GPRC6A: variants seen among roughly 807,000 people sequenced by gnomAD.
The protein encoded by GPRC6A is G protein-coupled receptor family C group 6 member A.
In GPRC6A, 54 loss-of-function variants were observed where a neutral mutation model predicts 47.0. That is an observed-to-expected ratio of 1.15 (90% CI 0.92 to 1.44). GPRC6A has a LOEUF of 1.44. Ranked by LOEUF, GPRC6A falls within the 40% of genes most tolerant of loss-of-function variation. GPRC6A has a pLI of 0.00. For synonymous variants in GPRC6A, 347 were observed against 377.1 expected (o/e 0.92, Z 0.93); for missense variants, 1,112 against 1,105.5 (o/e 1.01, Z -0.08).
chr6:116,795,673 G>T, intron 5 of GPRC6A, 39 bp downstream of exon 5: 1 of 1,466,702 alleles, frequency 6.8e-7, no homozygotes, highest in South Asian at 1.5e-5. Context: ...AAAAGCCTAA[G>T]AGGAATGATT....
chr6:116,822,891 TA>T (rs757893318), intron 1 of GPRC6A, among the ~76,000 whole-genome samples: 5,626 of 117,482 alleles, frequency 0.048, 129 homozygotes, highest in Non-Finnish European at 0.056. Context: ...TACTAGTCTC[TA>T]AAAAAAAAAA....
At chr6:116,819,524 C>A (rs1210933975) in intron 1 of GPRC6A, among the ~76,000 whole-genome samples, 1 of 152,086 alleles carries the variant, frequency 6.6e-6, no homozygotes, top group Non-Finnish European at 1.5e-5. Flanking sequence ...GACCACAGTG[C>A]AATCAAACTA....
chr6:116,826,424 T>C (rs866910971), intron 1 of GPRC6A, among the ~76,000 whole-genome samples: 3 of 151,742 alleles, frequency 2.0e-5, no homozygotes, highest in Admixed American at 6.6e-5. Context: ...CCAACTGGTA[T>C]ATAAAAAATG....
At chr6:116,809,881 T>A (rs1397458861) in intron 1 of GPRC6A, among the ~76,000 whole-genome samples, 1 of 152,192 alleles carries the variant, frequency 6.6e-6, no homozygotes, top group East Asian at 1.9e-4. Flanking sequence ...AACACTGCAA[T>A]ATGAAGATGT....
chr6:116,799,282 A>G (rs941171407), intron 4 of GPRC6A, among the ~76,000 whole-genome samples: 3 of 152,168 alleles, frequency 2.0e-5, no homozygotes, highest in Admixed American at 1.3e-4. Flanking sequence ...CCATATAATG[A>G]TATCATTTAA....
At chr6:116,822,135 G>C (rs1231702769) in intron 1 of GPRC6A, among the ~76,000 whole-genome samples, 1,907 of 142,010 alleles carry the variant, frequency 0.013, 18 homozygotes, top group African/African-American at 0.05. Flanking sequence ...GGCCATCAGA[G>C]AAATGCAAAT....
intron 4 of GPRC6A, among the ~76,000 whole-genome samples, chr6:116,797,032 C>T (rs928603759): frequency 5.3e-5 from 8 of 151,746 alleles, no homozygotes; most frequent in African/African-American, 1.9e-4. Context: ...ATCCCTCCCG[C>T]CTCCCCCTAC....
intron 1 of GPRC6A, among the ~76,000 whole-genome samples, chr6:116,826,452 T>C (rs1399323519): frequency 6.6e-6 from 1 of 151,646 alleles, no homozygotes; most frequent in East Asian, 1.9e-4. Flanking sequence ...TCACTAATCA[T>C]CAAAGAAATG....
chr6:116,822,650 G>A, intron 1 of GPRC6A, among the ~76,000 whole-genome samples: 1 of 145,804 alleles, frequency 6.9e-6, no homozygotes, highest in Non-Finnish European at 1.5e-5. Context: ...TTATAGGTGG[G>A]AATTGAACAA....
rs549531840 is a variant in GPRC6A, at chr6:116,824,276, A to G, written c.194+4544T>C. Among the ~76,000 whole-genome samples the G allele has an allele frequency of 3.9e-5, 6 of 152,066 alleles. No homozygotes were observed. The East Asian group carries it at 1.2e-3, about 29-fold the overall frequency. ...GCAGAGCTAAATGAAATAGAGACTA[A>G]AAAAAACAAAGGATCAATAAAATGA... On this transcript the variant is annotated intron_variant, in intron 1 of 5. Coordinates refer to ENST00000310357, the MANE Select transcript of GPRC6A (RefSeq NM_148963.4).
Position 116,807,026 on chromosome 6 carries a change from T to C in GPRC6A, c.679A>G (p.Thr227Ala). The C allele has an allele frequency of 6.2e-7, 1 of 1,613,768 alleles. No homozygotes were observed. Among genetic ancestry groups the C allele is most frequent in the Non-Finnish European group, 8.5e-7 (1 of 1,179,806 alleles). Residue 227 changes from threonine (T) to alanine (A), a missense_variant, in exon 3 of 6, where the codon ACT becomes GCT. By Grantham distance (58) the Thr-to-Ala change is moderately conservative. Transcript: ENST00000310357. ...TTTGCTTCAGCCTGAATTATAAAAG[T>C]GTTAAGAGCCAATCGTCCATAGTCA... ...DDDYGRLALN[T>A]FIIQAEANNV...
rs145460545 is a variant in GPRC6A, at chr6:116,807,145, C to T, written c.560G>A (p.Arg187Gln). Residue 187 changes from arginine (R) to glutamine (Q), a missense_variant, in exon 3 of 6, where the codon CGG (arginine) becomes CAG (glutamine). By Grantham distance (43) the Arg-to-Gln change is conservative. Transcript: ENST00000310357. Reference sequence around the variant, plus strand: ...TTGATGGAAGTCACTGGGCACAGTCCGTAAAAATGAAGGAAAGCGAATTTT... The same window carrying T: ...TTGATGGAAGTCACTGGGCACAGTCTGTAAAAATGAAGGAAAGCGAATTTT... Reference protein sequence around the residue: ...SDKIRFPSFLRTVPSDFHQIK... With the variant: ...SDKIRFPSFLQTVPSDFHQIK... The T allele has an allele frequency of 3.8e-3, 6,165 of 1,613,360 alleles. 31 individuals are homozygous for T. Among genetic ancestry groups the T allele is most frequent in the Middle Eastern group, 0.025 (154 of 6,058 alleles).
rs866074176 is a variant in GPRC6A, at chr6:116,807,203, C to T, written c.502G>A (p.Gly168Ser). 1.9e-6 allele frequency: 3 copies of T among 1,595,372 alleles called. No homozygotes were observed. Among genetic ancestry groups the T allele is most frequent in the Non-Finnish European group, 2.6e-6 (3 of 1,164,860 alleles). ...AGGATTTCTGCAGTTGATTCATAAC[C>T]CACCTGGAAATAGACAGAATATTTT... ...MLNLQLMPQV[G>S]YESTAEILSD... The change falls in exon 3 of 6, where the codon GGT (glycine) becomes AGT (serine). Residue 168 changes from glycine to serine, a missense_variant. Coordinates refer to ENST00000310357, the MANE Select transcript of GPRC6A (RefSeq NM_148963.4).
chr6:116,806,310 A>G, intron 3 of GPRC6A, 60 bp downstream of exon 3: 2 of 1,059,184 alleles, frequency 1.9e-6, no homozygotes, highest in South Asian at 1.5e-5. Context: ...AAATTAAAAC[A>G]AGGGAGGAAA....
rs369623666 is a variant in GPRC6A at position 116,792,695 on chromosome 6, T to C, written c.2228A>G (p.Glu743Gly). 7.9e-5 allele frequency: 127 copies of C among 1,612,982 alleles called. No individual in the cohort carries two copies. Among genetic ancestry groups the C allele is most frequent in the Non-Finnish European group, 1.0e-4 (119 of 1,179,264 alleles). ...TGCAAGTATGGATCCCTCCTCACAC[T>C]CCAGGATGATGACTCTGGGCAAGGA... ...NVSLPRVIIL[E>G]CEEGSILAFG... The change falls in exon 6 of 6, where the codon GAG (glutamate) becomes GGG (glycine). Residue 743 changes from glutamate (E) to glycine (G), a missense_variant. Coordinates refer to ENST00000310357, the MANE Select transcript of GPRC6A (RefSeq NM_148963.4).
intron 3 of GPRC6A, among the ~76,000 whole-genome samples, chr6:116,804,402 A>G (rs1746867710): frequency 6.6e-6 from 1 of 152,128 alleles, no homozygotes; most frequent in Non-Finnish European, 1.5e-5. Flanking sequence ...TTGCTAGGGT[A>G]CAAAGTAATC....
intron 3 of GPRC6A, among the ~76,000 whole-genome samples, chr6:116,801,387 A>G (rs1772670295): frequency 6.6e-6 from 1 of 152,196 alleles, no homozygotes; most frequent in Admixed American, 6.6e-5. Flanking sequence ...TGGGATAGCC[A>G]TACTGAGGTT....
chr6:116,814,499 A>G (rs1201131328), intron 1 of GPRC6A, among the ~76,000 whole-genome samples: 2 of 152,202 alleles, frequency 1.3e-5, no homozygotes, highest in African/African-American at 2.4e-5. Flanking sequence ...AAACTGTCAC[A>G]AGGACAGAAA....
intron 1 of GPRC6A, among the ~76,000 whole-genome samples, 189 bp downstream of exon 1, chr6:116,828,631 T>G (rs1398488299): frequency 1.3e-5 from 2 of 152,124 alleles, no homozygotes; most frequent in African/African-American, 4.8e-5. Flanking sequence ...TGGAGGTTGT[T>G]TCATTATACA....
Sources: allele counts gnomAD v4.1 joint callset (sites outside exome capture counted in the v4.1 genomes callset), GRCh38; gene constraint gnomAD v4.1.1; transcripts MANE v1.5; gene names NCBI Gene and HGNC (gene_info 2026-07-23, HGNC 2026-07-21).